Variants in ITSN2 observed in about 807,000 individuals in gnomAD.
ITSN2 encodes the protein intersectin 2, also known as intersectin-2.
A neutral mutation model predicts 243.7 loss-of-function variants in ITSN2; 156 were observed. That is an observed-to-expected ratio of 0.64 (90% CI 0.56 to 0.73). ITSN2 has a LOEUF of 0.73. Among genes scored for constraint, ITSN2 ranks in the 30% least tolerant of loss-of-function variants. The pLI is 0.00. For synonymous variants in ITSN2, 703 were observed against 699.9 expected (o/e 1.00, Z -0.07); for missense variants, 1,801 against 1,996.1 (o/e 0.90, Z 1.86).
At chr2:24,324,878 A>G (rs1684988523) in intron 2 of ITSN2, among the ~76,000 whole-genome samples, 1 of 107,456 alleles carries the variant, frequency 9.3e-6, no homozygotes, top group African/African-American at 3.5e-5. Flanking sequence ...AAAAAAAAAA[A>G]ATGAACACCT....
chr2:24,274,711 T>A (rs1441504221), intron 18 of ITSN2, among the ~76,000 whole-genome samples: 1 of 152,160 alleles, frequency 6.6e-6, no homozygotes, highest in Non-Finnish European at 1.5e-5. Flanking sequence ...CAAAAAAATG[T>A]GTTGGAGGTG....
At chr2:24,302,923 G>C (rs1449670754) in intron 9 of ITSN2, among the ~76,000 whole-genome samples, 1 of 152,146 alleles carries the variant, frequency 6.6e-6, no homozygotes, top group Non-Finnish European at 1.5e-5. Context: ...GATTATAATG[G>C]AGCTGAAAAA....
At chr2:24,238,974 A>G (rs932592186) in intron 29 of ITSN2, 1 of 152,328 alleles carries the variant, frequency 6.6e-6, no homozygotes, top group African/African-American at 2.4e-5. Flanking sequence ...GCATAGTTAT[A>G]TTACAATTTT....
intron 1 of ITSN2, among the ~76,000 whole-genome samples, chr2:24,336,542 T>C (rs1475245070): frequency 1.3e-5 from 2 of 152,226 alleles, no homozygotes; most frequent in African/African-American, 2.4e-5. Context: ...CCAATCTTTT[T>C]TGAAACAGTA....
intron 30 of ITSN2, chr2:24,220,601 G>T: frequency 8.8e-7 from 1 of 1,142,692 alleles, no homozygotes; most frequent in Non-Finnish European, 1.1e-6. Context: ...GGAAGCTACG[G>T]TCTGCCATAG....
At chr2:24,309,888 T>C (rs1574261733) in intron 7 of ITSN2, among the ~76,000 whole-genome samples, 1 of 152,324 alleles carries the variant, frequency 6.6e-6, no homozygotes, top group African/African-American at 2.4e-5. Context: ...TGAATACTGA[T>C]GCATTTGTGC....
chr2:24,283,087 T>A (rs1235306284), intron 17 of ITSN2, among the ~76,000 whole-genome samples: 1 of 152,068 alleles, frequency 6.6e-6, no homozygotes, highest in East Asian at 1.9e-4. Flanking sequence ...GAGTTGTTGC[T>A]ACTCACTTAA....
intron 33 of ITSN2, 106 bp downstream of exon 33, chr2:24,212,544 T>C (rs1435749965): frequency 1.3e-6 from 1 of 787,334 alleles, no homozygotes; most frequent in Non-Finnish European, 2.1e-6. Flanking sequence ...TCACACTGTG[T>C]GCAGGGTGAG....
At chr2:24,297,317 A>T (rs1681096656) in intron 13 of ITSN2, among the ~76,000 whole-genome samples, 1 of 152,222 alleles carries the variant, frequency 6.6e-6, no homozygotes, top group South Asian at 2.1e-4. Context: ...CTATATGATC[A>T]GGGTAGGCTC....
At chr2:24,278,931 T>C (rs1411217079) in intron 17 of ITSN2, among the ~76,000 whole-genome samples, 1 of 152,094 alleles carries the variant, frequency 6.6e-6, no homozygotes, top group Non-Finnish European at 1.5e-5. Flanking sequence ...GGATTGCAGG[T>C]GTGAGCCACT....
chr2:24,308,007 T>C (rs1384647051), intron 8 of ITSN2, among the ~76,000 whole-genome samples: 4 of 152,234 alleles, frequency 2.6e-5, no homozygotes, highest in Non-Finnish European at 5.9e-5. Context: ...TAAATCATAA[T>C]TTCTTGCTGA....
intron 29 of ITSN2, among the ~76,000 whole-genome samples, chr2:24,230,318 C>G (rs1325481768): frequency 6.6e-6 from 1 of 152,196 alleles, no homozygotes; most frequent in Non-Finnish European, 1.5e-5. Context: ...TCTCACACGT[C>G]CCCCATGGCT....
intron 29 of ITSN2, among the ~76,000 whole-genome samples, chr2:24,227,083 T>C (rs1671098942): frequency 6.6e-6 from 1 of 151,866 alleles, no homozygotes; most frequent in Admixed American, 6.6e-5. Flanking sequence ...GTCACTGCAC[T>C]CCAGCCTGGG....
chr2:24,338,856 T>C (rs2151896797), intron 1 of ITSN2, among the ~76,000 whole-genome samples: 1 of 152,094 alleles, frequency 6.6e-6, no homozygotes, highest in Admixed American at 6.6e-5. Flanking sequence ...TAAAGGGATT[T>C]GGGGAATGCC....
chr2:24,284,942 G>A (rs1424109129), intron 16 of ITSN2, 99 bp from the exon 17 acceptor site: 2 of 610,694 alleles, frequency 3.3e-6, no homozygotes, highest in Non-Finnish European at 5.6e-6. Context: ...CTGTCGCCAG[G>A]CTGGACTGCA....
intron 17 of ITSN2, among the ~76,000 whole-genome samples, chr2:24,284,429 A>T (rs1035838154): frequency 6.6e-6 from 1 of 152,170 alleles, no homozygotes; most frequent in Non-Finnish European, 1.5e-5. Context: ...AAGTGATTTA[A>T]TCTCACATTT....
chr2:24,257,292 C>T (rs1675176938), intron 23 of ITSN2, among the ~76,000 whole-genome samples: 1 of 151,990 alleles, frequency 6.6e-6, no homozygotes, highest in African/African-American at 2.4e-5. Context: ...GCACTCTAGC[C>T]TAGGCAACAG....
chr2:24,298,550 C>T, intron 13 of ITSN2, 115 bp downstream of exon 13: 1 of 926,276 alleles, frequency 1.1e-6, no homozygotes, highest in Non-Finnish European at 1.6e-6. Context: ...CCTGCCTTGG[C>T]CTCCCAAAGT....
Position 24,204,774 on chromosome 2 carries a change from C to T in ITSN2, c.4763-356G>A, listed in dbSNP as rs1668685143. 2.1e-6 allele frequency: 1 copy of T among 486,218 alleles called. No homozygotes were observed. Among genetic ancestry groups the T allele is most frequent in the Non-Finnish European group, 4.0e-6 (1 of 247,196 alleles). 30.1% of individuals were successfully genotyped at this position (486,218 alleles called of 1,614,324 possible). A position where few individuals can be genotyped will look rare whatever the true frequency, so the allele number is the denominator to read the frequency against. On this transcript the variant is annotated intron_variant, in intron 38 of 39. Transcript: ENST00000355123. The surrounding 1 kb of genome is among the most constrained non-coding windows in gnomAD (Gnocchi z 5.1). ...GAAAACAGTGATAAGAATATTGGTC[C>T]AATATGCGCATTTTAGTGGCACTGG... is the stretch of plus-strand genomic sequence containing the variant.
Sources: gnomAD v4.1 joint callset for allele counts (sites outside exome capture counted in the v4.1 genomes callset) on GRCh38, gnomAD v4.1.1 for gene constraint, Gnocchi (gnomAD v3.1) non-coding constraint, MANE v1.5 for transcripts, NCBI Gene and HGNC (gene_info 2026-07-23, HGNC 2026-07-21) for gene names.